The following NCAM1 variants were observed in gnomAD, a reference collection of about 807,000 sequenced individuals.
NCAM1 encodes the protein neural cell adhesion molecule 1.
A neutral mutation model predicts 109.8 loss-of-function variants in NCAM1; 14 were observed. The observed-to-expected ratio is 0.13, with a 90% confidence interval of 0.08 to 0.20. NCAM1 has a LOEUF of 0.20. NCAM1 is among the 10% of genes least tolerant of loss of function. The probability of loss-of-function intolerance (pLI) is 1.00; values close to 1 mark genes in which losing one functional copy is unlikely to be tolerated. For synonymous variants in NCAM1, 418 were observed against 442.9 expected (o/e 0.94, Z 0.70); for missense variants, 774 against 1,109.9 (o/e 0.70, Z 4.30).
At position 113,013,426 on chromosome 11, in the gene NCAM1, CAA is replaced by C. The variant is rs34001751; in HGVS notation, c.52+51781_52+51782del. Among the ~76,000 whole-genome samples, 297 of 95,974 alleles carry C rather than the reference CAA, an allele frequency of 3.1e-3. 1 individual carries two copies. The highest frequency in any genetic ancestry group is 7.8e-3 in the African/African-American group (189 of 24,262). The allele number at this position is 95,974 out of a possible 152,430, so 63.0% of individuals were successfully genotyped here. On this transcript the variant is annotated intron_variant, in intron 1 of 19. Coordinates refer to ENST00000316851, the MANE Select transcript of NCAM1 (RefSeq NM_181351.5). Reference sequence around the variant, plus strand: ...TGGGCGACACAGCAAGACTCTGTCTCAAAAAAAAAAAAAAAAAAAAGAAGCGA... The same window carrying C: ...TGGGCGACACAGCAAGACTCTGTCTCAAAAAAAAAAAAAAAAAAGAAGCGA...
chr11:112,992,960 T>A (rs564287999), intron 1 of NCAM1, among the ~76,000 whole-genome samples: 4 of 152,322 alleles, frequency 2.6e-5, no homozygotes, highest in Non-Finnish European at 5.9e-5. Flanking sequence ...CATGCTATGA[T>A]AAAAGAAGTG....
At chr11:113,174,911 T>C (rs891491748) in intron 1 of NCAM1, among the ~76,000 whole-genome samples, 4 of 152,148 alleles carry the variant, frequency 2.6e-5, no homozygotes, top group African/African-American at 7.2e-5. Context: ...CCAACAACTG[T>C]ATCTCCATCC....
intron 1 of NCAM1, among the ~76,000 whole-genome samples, chr11:113,020,317 G>A (rs2135230452): frequency 6.6e-6 from 1 of 152,276 alleles, no homozygotes; most frequent in South Asian, 2.1e-4. Context: ...GTGCTGGGTT[G>A]ATGGGTGGAA....
At chr11:113,021,492 G>A (rs1425898496) in intron 1 of NCAM1, among the ~76,000 whole-genome samples, 1 of 152,220 alleles carries the variant, frequency 6.6e-6, no homozygotes, top group Non-Finnish European at 1.5e-5. Flanking sequence ...ATGGTCTTAA[G>A]AGACAAACTG....
intron 14 of NCAM1, chr11:113,246,085 G>T (rs1338885624): frequency 2.0e-6 from 1 of 507,172 alleles, no homozygotes; most frequent in Non-Finnish European, 3.5e-6. Context: ...TTAACCAAAT[G>T]CTCTTTATGA....
chr11:113,056,077 A>C (rs1309483635), intron 1 of NCAM1, among the ~76,000 whole-genome samples: 1 of 146,134 alleles, frequency 6.8e-6, no homozygotes, highest in Non-Finnish European at 1.5e-5. Context: ...TTCATCTAGA[A>C]AAAAGAAGGA....
Position 113,273,296 on chromosome 11 carries a change from C to T in NCAM1, c.2456+1420C>T, listed in dbSNP as rs1295710169. 14 of 349,176 alleles carry T rather than the reference C, an allele frequency of 4.0e-5. No individual in the cohort carries two copies. Among genetic ancestry groups the T allele is most frequent in the Non-Finnish European group, 4.5e-5 (8 of 176,094 alleles). 21.6% of individuals were successfully genotyped at this position (349,176 alleles called of 1,614,324 possible). ...ACCAAGGGGCTGTCCTCAGCCCAAG[C>T]GCCCCTGCTGGTGTCGGGGAGGCCT... On this transcript the variant is annotated intron_variant, in intron 19 of 19. Coordinates refer to ENST00000316851, the MANE Select transcript of NCAM1 (RefSeq NM_181351.5). The surrounding 1 kb of genome is among the most constrained non-coding windows in gnomAD (Gnocchi z 6.0).
intron 1 of NCAM1, among the ~76,000 whole-genome samples, chr11:112,998,653 G>C (rs12290596): frequency 0.01 from 1,531 of 151,982 alleles, 25 homozygotes; most frequent in African/African-American, 0.035. Context: ...AACAACTCTC[G>C]ACACTAAGAT....
intron 1 of NCAM1, among the ~76,000 whole-genome samples, chr11:113,050,925 A>G (rs543780562): frequency 6.6e-6 from 1 of 152,370 alleles, no homozygotes; most frequent in African/African-American, 2.4e-5. Flanking sequence ...TTACTAACCC[A>G]TCTTATACGC....
chr11:113,139,418 CT>C (rs111460129), intron 1 of NCAM1, among the ~76,000 whole-genome samples: 44 of 147,938 alleles, frequency 3.0e-4, no homozygotes, highest in East Asian at 3.9e-4. Context: ...CACATGAAGT[CT>C]TTTTTTTTTA....
At chr11:113,093,692 A>G (rs782619651) in intron 1 of NCAM1, among the ~76,000 whole-genome samples, 12 of 152,228 alleles carry the variant, frequency 7.9e-5, no homozygotes, top group Non-Finnish European at 1.5e-4. Flanking sequence ...GTATCTACCA[A>G]CACAATCAGG....
At chr11:113,094,397 T>C (rs1050119793) in intron 1 of NCAM1, among the ~76,000 whole-genome samples, 8 of 152,212 alleles carry the variant, frequency 5.3e-5, no homozygotes, top group Middle Eastern at 3.2e-3. Flanking sequence ...GGGTGCTTTG[T>C]ACACCTTCAC....
At chr11:113,159,780 T>C (rs562548690) in intron 1 of NCAM1, among the ~76,000 whole-genome samples, 1 of 151,906 alleles carries the variant, frequency 6.6e-6, no homozygotes, top group Non-Finnish European at 1.5e-5. Context: ...TATGTATACG[T>C]GTGCCATGTT....
chr11:113,184,137 A>G (rs1943419484), intron 1 of NCAM1, among the ~76,000 whole-genome samples: 1 of 152,194 alleles, frequency 6.6e-6, no homozygotes, highest in African/African-American at 2.4e-5. Context: ...AGGGGAAAAA[A>G]TCAATCAACA....
intron 1 of NCAM1, among the ~76,000 whole-genome samples, chr11:113,053,679 A>G (rs1953591613): frequency 6.6e-6 from 1 of 152,218 alleles, no homozygotes; most frequent in Non-Finnish European, 1.5e-5. Context: ...TTTTCCCAGT[A>G]CGAATAATAA....
chr11:113,148,346 G>A (rs1454719444), intron 1 of NCAM1, among the ~76,000 whole-genome samples: 3 of 136,984 alleles, frequency 2.2e-5, no homozygotes, highest in Non-Finnish European at 4.7e-5. Flanking sequence ...GTCATTTTTT[G>A]TTTGTTTGCG....
intron 1 of NCAM1, among the ~76,000 whole-genome samples, chr11:113,037,991 C>T (rs1952946563): frequency 6.6e-6 from 1 of 152,166 alleles, no homozygotes; most frequent in African/African-American, 2.4e-5. Flanking sequence ...TCCCAGAGGG[C>T]CAGGCTCACC....
At chr11:112,974,821 G>C (rs1393537698) in intron 1 of NCAM1, among the ~76,000 whole-genome samples, 12 of 151,636 alleles carry the variant, frequency 7.9e-5, no homozygotes, top group African/African-American at 2.9e-4. Context: ...TTGTGTGTGT[G>C]TGTGTGTGTG....
intron 14 of NCAM1, chr11:113,243,458 C>T (rs1461647503): frequency 4.7e-6 from 2 of 424,790 alleles, no homozygotes; most frequent in South Asian, 1.7e-5. Context: ...CTAATCCAGG[C>T]TCCCCTTGGG....
Sources: allele counts gnomAD v4.1 joint callset (sites outside exome capture counted in the v4.1 genomes callset), GRCh38; gene constraint gnomAD v4.1.1; non-coding constraint Gnocchi (gnomAD v3.1); transcripts MANE v1.5; gene names NCBI Gene and HGNC (gene_info 2026-07-23, HGNC 2026-07-21).